The following SDK1 variants were observed in gnomAD, a reference collection of about 807,000 sequenced individuals.
SDK1 encodes protein sidekick-1.
In SDK1, 157 loss-of-function variants were observed where a neutral mutation model predicts 245.5. That is an observed-to-expected ratio of 0.64 (90% CI 0.56 to 0.73). SDK1 has a LOEUF of 0.73. SDK1 is among the 30% of genes least tolerant of loss of function. SDK1 has a pLI of 0.00. For synonymous variants in SDK1, 1,647 were observed against 1,278.5 expected (o/e 1.29, Z -6.15); for missense variants, 3,583 against 3,002.3 (o/e 1.19, Z -4.52).
intron 4 of SDK1, among the ~76,000 whole-genome samples, chr7:3,736,669 A>G (rs1300700758): frequency 1.2e-4 from 18 of 152,194 alleles, no homozygotes. Flanking sequence ...ATAGTCATAT[A>G]TATGATTATA....
At chr7:3,940,975 C>G (rs558978567) in intron 5 of SDK1, among the ~76,000 whole-genome samples, 1 of 151,884 alleles carries the variant, frequency 6.6e-6, no homozygotes, top group Non-Finnish European at 1.5e-5. Context: ...CTGGGTACCC[C>G]GCAGGCACGT....
chr7:3,696,800 A>T (rs1784585778), intron 4 of SDK1, among the ~76,000 whole-genome samples: 1 of 152,116 alleles, frequency 6.6e-6, no homozygotes, highest in African/African-American at 2.4e-5. Flanking sequence ...TAGGGACTAA[A>T]ATGTAATTAT....
At chr7:3,447,697 A>G (rs1040908482) in intron 1 of SDK1, among the ~76,000 whole-genome samples, 1 of 124,632 alleles carries the variant, frequency 8.0e-6, no homozygotes, top group African/African-American at 3.1e-5. Flanking sequence ...TAGCTTATAT[A>G]TCTTTTTTTT....
chr7:3,877,336 C>A (rs187095151), intron 5 of SDK1, among the ~76,000 whole-genome samples: 1 of 152,322 alleles, frequency 6.6e-6, no homozygotes, highest in African/African-American at 2.4e-5. Flanking sequence ...AACTGAGGGA[C>A]CAACTGAGGT....
chr7:3,575,998 A>G (rs906555658), intron 1 of SDK1, among the ~76,000 whole-genome samples: 10 of 152,146 alleles, frequency 6.6e-5, no homozygotes, highest in African/African-American at 2.4e-4. Context: ...CTTGTGAAAT[A>G]TGTTTGTTTA....
chr7:3,420,809 G>C (rs905687674), intron 1 of SDK1, among the ~76,000 whole-genome samples: 1 of 152,062 alleles, frequency 6.6e-6, no homozygotes, highest in African/African-American at 2.4e-5. Flanking sequence ...TCGTTACATA[G>C]ATAAACATGT....
chr7:3,424,429 C>G (rs554059755), intron 1 of SDK1, among the ~76,000 whole-genome samples: 1 of 152,062 alleles, frequency 6.6e-6, no homozygotes, highest in Admixed American at 6.5e-5. Flanking sequence ...AGTTTATGAA[C>G]TTTGTGGGCT....
At position 3,527,141 on chromosome 7, in the gene SDK1, G is replaced by A. The variant is rs189301697; in HGVS notation, c.299-91939G>A. Reference sequence around the variant, plus strand: ...TAATTATATTTCTCTTTTATAAAATGTTTTATATACACATTTCTTTTAATG... The same window carrying A: ...TAATTATATTTCTCTTTTATAAAATATTTTATATACACATTTCTTTTAATG... On this transcript the variant is annotated intron_variant, in intron 1 of 44. Coordinates refer to ENST00000404826, the MANE Select transcript of SDK1 (RefSeq NM_152744.4). 2.4e-3 allele frequency among the ~76,000 whole-genome samples: 370 copies of A among 152,230 alleles called. 3 individuals are homozygous for A. Among genetic ancestry groups the A allele is most frequent in the South Asian group, 0.018 (87 of 4,824 alleles).
At chr7:3,504,482 A>G (rs1782326351) in intron 1 of SDK1, among the ~76,000 whole-genome samples, 1 of 152,172 alleles carries the variant, frequency 6.6e-6, no homozygotes, top group Admixed American at 6.5e-5. Flanking sequence ...TTGGTGGAAT[A>G]GAATTGAGAA....
intron 1 of SDK1, among the ~76,000 whole-genome samples, chr7:3,334,414 G>C (rs935506437): frequency 6.6e-6 from 1 of 152,084 alleles, no homozygotes; most frequent in African/African-American, 2.4e-5. Flanking sequence ...TTGTCCTCCT[G>C]TTCTTCCCTG....
At chr7:3,525,792 C>G (rs902131572) in intron 1 of SDK1, among the ~76,000 whole-genome samples, 1 of 152,082 alleles carries the variant, frequency 6.6e-6, no homozygotes, top group Non-Finnish European at 1.5e-5. Context: ...CTCTAACTCC[C>G]TCTTCTTTGA....
chr7:3,946,307 A>G (rs1181549678), intron 5 of SDK1, among the ~76,000 whole-genome samples: 1 of 152,108 alleles, frequency 6.6e-6, no homozygotes, highest in Admixed American at 6.6e-5. Context: ...CCTCCCAAGT[A>G]GATGGGACCA....
chr7:3,877,148 G>C (rs1401870431), intron 5 of SDK1, among the ~76,000 whole-genome samples: 1 of 152,174 alleles, frequency 6.6e-6, no homozygotes, highest in Non-Finnish European at 1.5e-5. Context: ...CAATCCATTG[G>C]AATGAATAAA....
chr7:3,401,691 T>G (rs1355769083), intron 1 of SDK1, among the ~76,000 whole-genome samples: 1 of 148,552 alleles, frequency 6.7e-6, no homozygotes, highest in East Asian at 2.0e-4. Context: ...TGAGCCTTAT[T>G]TTTTTTTTTT....
At chr7:4,015,860 C>T (rs1366581109) in intron 16 of SDK1, among the ~76,000 whole-genome samples, 1 of 152,198 alleles carries the variant, frequency 6.6e-6, no homozygotes, top group East Asian at 1.9e-4. Flanking sequence ...TTCTATCAAA[C>T]AGGCCCCACC....
intron 1 of SDK1, among the ~76,000 whole-genome samples, chr7:3,574,066 T>C (rs1172353565): frequency 3.3e-5 from 5 of 152,008 alleles, no homozygotes; most frequent in Admixed American, 2.6e-4. Flanking sequence ...GAGGATAGAC[T>C]TTGCCTCTGC....
chr7:4,125,492 T>C (rs983335614), intron 25 of SDK1, among the ~76,000 whole-genome samples: 2 of 150,952 alleles, frequency 1.3e-5, no homozygotes, highest in Admixed American at 1.3e-4. Flanking sequence ...GATTGATTGA[T>C]GGATGGATGG....
At chr7:3,319,715 A>C (rs1037195229) in intron 1 of SDK1, among the ~76,000 whole-genome samples, 1 of 152,016 alleles carries the variant, frequency 6.6e-6, no homozygotes, top group Non-Finnish European at 1.5e-5. Context: ...TGCCAACTCA[A>C]GTACCTTTTT....
intron 1 of SDK1, among the ~76,000 whole-genome samples, chr7:3,601,136 G>C (rs1781240708): frequency 1.3e-5 from 2 of 152,020 alleles, no homozygotes; most frequent in Non-Finnish European, 2.9e-5. Flanking sequence ...ATATTTTGTT[G>C]AAGATTTTTG....
Sources: allele counts gnomAD v4.1 joint callset (sites outside exome capture counted in the v4.1 genomes callset), GRCh38; gene constraint gnomAD v4.1.1; transcripts MANE v1.5; gene names NCBI Gene and HGNC (gene_info 2026-07-23, HGNC 2026-07-21).